DENND10: variants seen among roughly 807,000 people sequenced by gnomAD.
The protein encoded by DENND10 is DENN domain containing 10, also known as DENN domain-containing protein 10.
DENND10 carries 24 observed loss-of-function variants against 43.6 expected under a neutral mutation model. That is an observed-to-expected ratio of 0.55 (90% CI 0.40 to 0.77). The LOEUF is 0.77. Among genes scored for constraint, DENND10 ranks in the 30% least tolerant of loss-of-function variants. The pLI is 0.00. For missense variants in DENND10, 303 were observed against 429.9 expected (o/e 0.70, Z 2.61); for synonymous variants, 125 against 157.6 (o/e 0.79, Z 1.55).
intron 1 of DENND10, among the ~76,000 whole-genome samples, chr10:119,107,046 A>G (rs1844727728): frequency 6.6e-6 from 1 of 150,404 alleles, no homozygotes; most frequent in Admixed American, 6.6e-5. Flanking sequence ...GCAAAACTCC[A>G]TTTAAAGAAT....
At position 119,135,954 on chromosome 10, in the gene DENND10, T is replaced by C. The variant is rs993041152; in HGVS notation, c.898-517T>C. ...AGTTTGGGAAGCCAAGGTGGGCAGA[T>C]TGCTTGAGCCCAGGAGTTTGAGACC... On this transcript the variant is annotated intron_variant, in intron 8 of 8. Transcript: ENST00000361432. Among the ~76,000 whole-genome samples, 5 of 152,040 alleles carry C rather than the reference T, an allele frequency of 3.3e-5. No homozygotes were observed. In the South Asian group the frequency reaches 8.3e-4, roughly 25 times the overall value.
chr10:119,135,791 TAAAAAAA>T lies in DENND10; in HGVS notation c.898-661_898-655del, dbSNP rs367836571. ...TACACTCAGAAAATGACTAAAATTGTAAAAAAAAAAAAAAAAAAAAAAAAACCAAAAC... is the reference window on the plus strand; with the variant it reads ...TACACTCAGAAAATGACTAAAATTGTAAAAAAAAAAAAAAAAAACCAAAAC... On this transcript the variant is annotated intron_variant, in intron 8 of 8. Coordinates refer to ENST00000361432, the MANE Select transcript of DENND10 (RefSeq NM_207009.4). Among the ~76,000 whole-genome samples, 38 of 64,022 alleles carry T rather than the reference TAAAAAAA, an allele frequency of 5.9e-4. 1 individual carries two copies. Among genetic ancestry groups the T allele is most frequent in the Non-Finnish European group, 9.4e-4 (34 of 36,022 alleles). 42.0% of individuals were successfully genotyped at this position (64,022 alleles called of 152,430 possible). A position where few individuals can be genotyped will look rare whatever the true frequency, so the allele number is the denominator to read the frequency against.
intron 2 of DENND10, among the ~76,000 whole-genome samples, chr10:119,108,587 A>G (rs7078261): frequency 0.91 from 138,063 of 152,020 alleles, 63,920 homozygotes; most frequent in Non-Finnish European, 0.99. Flanking sequence ...ATTGTTGTCT[A>G]TTATATGACA....
chr10:119,130,874 G>A (rs1394348108), intron 7 of DENND10, among the ~76,000 whole-genome samples: 2 of 152,176 alleles, frequency 1.3e-5, no homozygotes, highest in Non-Finnish European at 2.9e-5. Context: ...GTCACAGTGC[G>A]TTTTATAATC....
At chr10:119,127,657 A>T (rs1030333384) in intron 6 of DENND10, among the ~76,000 whole-genome samples, 16 of 145,508 alleles carry the variant, frequency 1.1e-4, no homozygotes, top group African/African-American at 3.8e-4. Context: ...TTTTTTTTTT[A>T]TTTTATTTTT....
rs367836571 is a variant in DENND10, at chr10:119,135,791, T to TAAAAAAAAAAAAAAAA, written c.898-670_898-655dup. Among the ~76,000 whole-genome samples the TAAAAAAAAAAAAAAAA allele has an allele frequency of 5.0e-3, 318 of 63,966 alleles. 17 individuals carry two copies. The highest frequency in any genetic ancestry group is 6.7e-3 in the Non-Finnish European group (242 of 35,994). 42.0% of individuals were successfully genotyped at this position (63,966 alleles called of 152,430 possible). A position where few individuals can be genotyped will look rare whatever the true frequency, so the allele number is the denominator to read the frequency against. ...TACACTCAGAAAATGACTAAAATTG[T>TAAAAAAAAAAAAAAAA]AAAAAAAAAAAAAAAAAAAAAAAAA... is the stretch of plus-strand genomic sequence containing the variant. On this transcript the variant is annotated intron_variant, in intron 8 of 8. Transcript: ENST00000361432.
chr10:119,112,399 C>T (rs1022298149), intron 3 of DENND10, among the ~76,000 whole-genome samples: 21 of 151,914 alleles, frequency 1.4e-4, no homozygotes, highest in African/African-American at 4.6e-4. Flanking sequence ...TGGTTAGTCA[C>T]GATTCAGCTA....
At chr10:119,129,283 T>G (rs1845973504) in intron 6 of DENND10, among the ~76,000 whole-genome samples, 1 of 152,224 alleles carries the variant, frequency 6.6e-6, no homozygotes, top group South Asian at 2.1e-4. Context: ...ATGCCCTACT[T>G]CAGTCTTGTC....
intron 1 of DENND10, among the ~76,000 whole-genome samples, chr10:119,106,599 A>G (rs1443317235): frequency 2.0e-5 from 3 of 152,206 alleles, no homozygotes; most frequent in African/African-American, 7.2e-5. Flanking sequence ...TGGGTTCCCA[A>G]AGTGTTAGGA....
At position 119,132,694 on chromosome 10, in the gene DENND10, G is replaced by C. The variant is rs887005365; in HGVS notation, c.897+85G>C. 2.8e-6 allele frequency: 3 copies of C among 1,084,322 alleles called. No individual in the cohort carries two copies. The highest frequency in any genetic ancestry group is 2.4e-5 in the East Asian group (1 of 42,406). 67.2% of individuals were successfully genotyped at this position (1,084,322 alleles called of 1,614,324 possible). A position where few individuals can be genotyped will look rare whatever the true frequency, so the allele number is the denominator to read the frequency against. On this transcript the variant is annotated intron_variant, in intron 8 of 8. Coordinates refer to ENST00000361432, the MANE Select transcript of DENND10 (RefSeq NM_207009.4). This position sits in a 1 kb window ranked among gnomAD's most constrained non-coding sequence, Gnocchi z 4.2. ...CGGCAGAGCTGTGCACATAAGCAGA[G>C]TGGGGGGCTGTGGTAGAGGCCAGCG...
At chr10:119,118,344 C>A (rs1444125691) in intron 4 of DENND10, among the ~76,000 whole-genome samples, 5 of 152,154 alleles carry the variant, frequency 3.3e-5, no homozygotes. Flanking sequence ...GATTACATTT[C>A]TTTTCTTAGA....
rs1564806695 is a variant in DENND10, at chr10:119,137,490, G to C, written c.*843G>C. 2 of 166,944 alleles carry C rather than the reference G, an allele frequency of 1.2e-5. No individual in the cohort carries two copies. Among genetic ancestry groups the C allele is most frequent in the Non-Finnish European group, 2.9e-5 (2 of 68,104 alleles). The allele number at this position is 166,944 out of a possible 1,614,324, so 10.3% of individuals were successfully genotyped here. A position where few individuals can be genotyped will look rare whatever the true frequency, so the allele number is the denominator to read the frequency against. On this transcript the variant is annotated 3_prime_UTR_variant, in exon 9 of 9. Coordinates refer to ENST00000361432, the MANE Select transcript of DENND10 (RefSeq NM_207009.4). ...ACTTCCTACAGGGGCCAAAACCAGA[G>C]AAAGGCTTCCAGCAACTTCGATGAA...
chr10:119,116,721 T>G (rs1845300862), intron 3 of DENND10, among the ~76,000 whole-genome samples: 1 of 150,472 alleles, frequency 6.6e-6, no homozygotes, highest in Admixed American at 6.7e-5. Context: ...CAGGCTGGAA[T>G]GCAGTGGTGC....
At chr10:119,123,381 T>C (rs1307239846) in intron 5 of DENND10, 88 bp from the exon 6 acceptor site, 1 of 951,342 alleles carries the variant, frequency 1.1e-6, no homozygotes, top group Non-Finnish European at 1.7e-6. Context: ...ACCCTCTTCA[T>C]TTCCTTCTCA....
chr10:119,118,224 T>C (rs1845392170), intron 4 of DENND10, among the ~76,000 whole-genome samples: 1 of 152,228 alleles, frequency 6.6e-6, no homozygotes, highest in South Asian at 2.1e-4. Flanking sequence ...GTTAGAATTC[T>C]CTCAGAGGAA....
At chr10:119,108,274 A>T in intron 2 of DENND10, 110 bp downstream of exon 2, 1 of 772,422 alleles carries the variant, frequency 1.3e-6, no homozygotes, top group Non-Finnish European at 2.2e-6. Context: ...CACAAGGTCA[A>T]GAGATTCAGA....
At chr10:119,110,532 A>G (rs905645264) in intron 2 of DENND10, among the ~76,000 whole-genome samples, 5 of 152,080 alleles carry the variant, frequency 3.3e-5, no homozygotes, top group African/African-American at 1.2e-4. Context: ...ATCTCGGCTC[A>G]CTGCAACCTC....
At chr10:119,109,761 G>GCACTATGCTCACTCTT in intron 2 of DENND10, among the ~76,000 whole-genome samples, 1 of 151,432 alleles carries the variant, frequency 6.6e-6, no homozygotes, top group African/African-American at 2.4e-5. Flanking sequence ...TGGGATTACA[G>GCACTATGCTCACTCTT]GCATTCGCCA....
chr10:119,128,196 C>T (rs931789246), intron 6 of DENND10, among the ~76,000 whole-genome samples: 4 of 151,914 alleles, frequency 2.6e-5, no homozygotes, highest in African/African-American at 9.7e-5. Flanking sequence ...GCCTGTAGTC[C>T]CAGCTACTCA....
Sources: gnomAD v4.1 joint callset for allele counts (sites outside exome capture counted in the v4.1 genomes callset) on GRCh38, gnomAD v4.1.1 for gene constraint, Gnocchi (gnomAD v3.1) non-coding constraint, MANE v1.5 for transcripts, NCBI Gene and HGNC (gene_info 2026-07-23, HGNC 2026-07-21) for gene names.